The following DNPEP variants were observed in gnomAD, a reference collection of about 807,000 sequenced individuals.
DNPEP encodes the protein aspartyl aminopeptidase.
Under a neutral mutation model 59.1 loss-of-function variants are expected in DNPEP, and 46 were observed. That is an observed-to-expected ratio of 0.78 (90% CI 0.61 to 0.99). The LOEUF (loss-of-function observed/expected upper bound fraction) is 0.99. Among genes scored for constraint, DNPEP ranks in the 50% least tolerant of loss-of-function variants. DNPEP has a pLI of 0.00. For synonymous variants in DNPEP, 229 were observed against 242.2 expected (o/e 0.95, Z 0.50); for missense variants, 617 against 649.9 (o/e 0.95, Z 0.55).
At position 219,384,502 on chromosome 2, in the gene DNPEP, T is replaced by C. The variant is rs1574984860; in HGVS notation, c.775-59A>G. Reference sequence around the variant, plus strand: ...CCCTCCACCCCCACTCACCTTTCTTTTGCTCCCAAGGGTCTCCTTGGTTTC... The same window carrying C: ...CCCTCCACCCCCACTCACCTTTCTTCTGCTCCCAAGGGTCTCCTTGGTTTC... On this transcript the variant is annotated intron_variant, in intron 8 of 14. Transcript: ENST00000273075. The C allele has an allele frequency of 3.4e-6, 5 of 1,470,154 alleles. No homozygotes were observed. In the East Asian group the frequency reaches 9.8e-5, roughly 29 times the overall value. 91.1% of individuals were successfully genotyped at this position (1,470,154 alleles called of 1,614,324 possible). A position where few individuals can be genotyped will look rare whatever the true frequency, so the allele number is the denominator to read the frequency against.
intron 8 of DNPEP, 163 bp from the exon 9 acceptor site, chr2:219,384,606 T>G: frequency 1.8e-6 from 1 of 554,152 alleles, no homozygotes; most frequent in Non-Finnish European, 3.3e-6. Flanking sequence ...TTCGCTCTTG[T>G]CGCCCAGTCT....
At chr2:219,388,526 C>G (rs1440280298), upstream of DNPEP, 4 of 197,440 alleles carry the variant, frequency 2.0e-5, no homozygotes, top group African/African-American at 9.5e-5. Flanking sequence ...CTCGTCTCCG[C>G]CCCTGCGGGG....
Position 219,374,297 on chromosome 2 carries a change from C to G in DNPEP, c.1453G>C (p.Asp485His). 6.2e-7 allele frequency: 1 copy of G among 1,613,978 alleles called. No homozygotes were observed. The highest frequency in any genetic ancestry group is 8.5e-7 in the Non-Finnish European group (1 of 1,179,882). ...FPSLSHNLLV[D>H] Reference sequence around the variant, plus strand: ...AGAAGTCTTTCCAAGAGGGCTCAATCCACTAAGAGATTATGGCTTAGAGAA... The same window carrying G: ...AGAAGTCTTTCCAAGAGGGCTCAATGCACTAAGAGATTATGGCTTAGAGAA... Residue 485 changes from aspartate to histidine, a missense_variant, in exon 15 of 15, where the codon GAT becomes CAT. Physicochemically the swap from Asp to His is moderately conservative, Grantham distance 81 (BLOSUM62 -1). Coordinates refer to ENST00000273075, the MANE Select transcript of DNPEP (RefSeq NM_012100.4).
upstream of DNPEP, among the ~76,000 whole-genome samples, chr2:219,392,515 AT>A (rs984394811): frequency 3.2e-4 from 47 of 146,020 alleles, no homozygotes; most frequent in Non-Finnish European, 5.9e-4. Context: ...ACCCAGTTAA[AT>A]TTTTTTTTTT....
intron 8 of DNPEP, chr2:219,384,868 G>C (rs1953744945): frequency 1.1e-5 from 2 of 178,920 alleles, no homozygotes; most frequent in Admixed American, 1.2e-4. Flanking sequence ...ACCAAGCAGA[G>C]ATTGGAGAAG....
At chr2:219,375,742 A>G (rs1953346665) in intron 13 of DNPEP, among the ~76,000 whole-genome samples, 1 of 152,114 alleles carries the variant, frequency 6.6e-6, no homozygotes, top group African/African-American at 2.4e-5. Context: ...TTGTATTTTC[A>G]GTAGAGACGA....
chr2:219,392,520 T>G (rs1482944092), upstream of DNPEP, among the ~76,000 whole-genome samples: 3 of 152,080 alleles, frequency 2.0e-5, no homozygotes, highest in Non-Finnish European at 2.9e-5. Context: ...GTTAAATTTT[T>G]TTTTTTGAGA....
intron 8 of DNPEP, 180 bp from the exon 9 acceptor site, chr2:219,384,623 C>T: frequency 2.0e-6 from 1 of 506,194 alleles, no homozygotes. Context: ...GTCTGAAGTG[C>T]AATGGCTCGA....
chr2:219,387,084 G>T lies in DNPEP; in HGVS notation c.116C>A (p.Pro39His). Residue 39 changes from proline (P) to histidine (H), a missense_variant, in exon 2 of 15, where the codon CCC becomes CAC. Physicochemically the swap from Pro to His is moderately conservative, Grantham distance 77. Transcript: ENST00000273075. ...KELLKFVNRS[P>H]SPFHAVAECR... is the part of the protein sequence containing the mutation. The stretch of plus-strand genomic sequence containing the variant: ...CCACCGCTTACCATGGAAAGGAGAG[G>T]GACTCCGGTTCACGAACTTGAGGAG... The T allele has an allele frequency of 6.3e-7, 1 of 1,599,940 alleles. No homozygotes were observed. The highest frequency in any genetic ancestry group is 1.7e-5 in the Admixed American group (1 of 57,672).
chr2:219,383,296 G>A (rs1448707165), intron 9 of DNPEP, 82 bp from the exon 10 acceptor site: 13 of 1,192,484 alleles, frequency 1.1e-5, no homozygotes, highest in East Asian at 2.4e-5. Context: ...GGGTGTGCAC[G>A]CTCCCCCATC....
upstream of DNPEP, among the ~76,000 whole-genome samples, chr2:219,392,751 C>G (rs1954038481): frequency 6.6e-6 from 1 of 152,184 alleles, no homozygotes; most frequent in African/African-American, 2.4e-5. Flanking sequence ...CTCAGGTGAT[C>G]CACCCACCTT....
intron 13 of DNPEP, among the ~76,000 whole-genome samples, chr2:219,376,314 C>T (rs12623561): frequency 0.82 from 123,949 of 151,748 alleles, 51,166 homozygotes; most frequent in Non-Finnish European, 0.87. Flanking sequence ...ATGGTGAAAC[C>T]CTGTATCTAT....
At chr2:219,378,441 G>A (rs963003738) in intron 13 of DNPEP, among the ~76,000 whole-genome samples, 2 of 152,106 alleles carry the variant, frequency 1.3e-5, no homozygotes, top group Non-Finnish European at 2.9e-5. Flanking sequence ...CAAATATCAC[G>A]TCCTCAGAGA....
In DNPEP at chr2:219,381,388, C is replaced by T; in HGVS notation, c.1186G>A (p.Val396Met). The T allele has an allele frequency of 6.2e-7, 1 of 1,614,236 alleles. No homozygotes were observed. Among genetic ancestry groups the T allele is most frequent in the African/African-American group, 1.3e-5 (1 of 75,050 alleles). The change falls in exon 13 of 15, where the codon GTG (valine) becomes ATG (methionine). Residue 396 changes from valine (V) to methionine (M), a missense_variant. Val to Met is a conservative substitution (Grantham distance 21). Transcript: ENST00000273075. ...ACCTCTCGGATCAGGGCCTCTGACA[C>T]CGCGTTTGAAGCATAGCGTTGCTTG... is the stretch of plus-strand genomic sequence containing the variant. ...NSKQRYASNA[V>M]SEALIREVAN...
chr2:219,388,901 G>A (rs16825302), upstream of DNPEP: 22,021 of 983,878 alleles, frequency 0.022, 1,077 homozygotes, highest in African/African-American at 0.18. Context: ...TGCATGAACA[G>A]AGAAAGCTGA....
At chr2:219,393,287 TTA>T (rs1954047352), upstream of DNPEP, among the ~76,000 whole-genome samples, 1 of 152,142 alleles carries the variant, frequency 6.6e-6, no homozygotes. Context: ...ACTTTTTTTT[TTA>T]GTTTTTTTGA....
upstream of DNPEP, among the ~76,000 whole-genome samples, chr2:219,392,718 C>T (rs567440817): frequency 4.6e-5 from 7 of 152,242 alleles, no homozygotes; most frequent in East Asian, 1.4e-3. Context: ...CCATGTTGGC[C>T]AGGCTGGTCT....
At chr2:219,387,040 C>A (rs1324281347) in intron 2 of DNPEP, 30 bp downstream of exon 2, 4 of 1,612,054 alleles carry the variant, frequency 2.5e-6, no homozygotes, top group Middle Eastern at 1.7e-4. Flanking sequence ...TCAGCCTCCA[C>A]CCTCCTCCCT....
In DNPEP at chr2:219,387,127, G is replaced by T. The variant is rs556988881; in HGVS notation, c.73C>A (p.Gln25Lys). ...MNGKARKEAVQTAAKELLKFV... is the reference protein window; with the variant it reads ...MNGKARKEAVKTAAKELLKFV... ...TTGAGGAGTTCCTTAGCCGCAGTCT[G>T]CACCGCCTCTTTGCGGGCCTTACCG... The change falls in exon 2 of 15, where the codon CAG becomes AAG. Residue 25 changes from glutamine (Q) to lysine (K), a missense_variant. By Grantham distance (53) the Gln-to-Lys change is moderately conservative. Coordinates refer to ENST00000273075, the MANE Select transcript of DNPEP (RefSeq NM_012100.4). The T allele has an allele frequency of 1.4e-5, 22 of 1,571,326 alleles. No individual in the cohort carries two copies. In the East Asian group the frequency reaches 4.7e-4, roughly 33 times the overall value.
Sources: gnomAD v4.1 joint callset for allele counts (sites outside exome capture counted in the v4.1 genomes callset) on GRCh38, gnomAD v4.1.1 for gene constraint, MANE v1.5 for transcripts, NCBI Gene and HGNC (gene_info 2026-07-23, HGNC 2026-07-21) for gene names.